Variants in ADK observed in about 807,000 individuals in gnomAD.
The protein encoded by ADK is adenosine kinase.
ADK carries 24 observed loss-of-function variants against 44.7 expected under a neutral mutation model. The observed-to-expected ratio is 0.54, with a 90% confidence interval of 0.39 to 0.76. The LOEUF is 0.76. Ranked by LOEUF, ADK falls within the 30% of genes least tolerant of loss-of-function variation. The pLI is 0.00. For synonymous variants in ADK, 128 were observed against 142.6 expected (o/e 0.90, Z 0.73); for missense variants, 321 against 425.1 (o/e 0.76, Z 2.15).
chr10:74,236,028 A>G (rs1364268184), intron 3 of ADK, among the ~76,000 whole-genome samples: 1 of 152,168 alleles, frequency 6.6e-6, no homozygotes, highest in East Asian at 1.9e-4. Context: ...AAACATATTA[A>G]TGTTTCTTTC....
chr10:74,552,359 T>G (rs1850065593), intron 7 of ADK, among the ~76,000 whole-genome samples: 1 of 152,238 alleles, frequency 6.6e-6, no homozygotes, highest in Non-Finnish European at 1.5e-5. Flanking sequence ...TAGTTCTTTA[T>G]TTTTAAATGA....
chr10:74,182,121 G>A (rs1282746583), intron 1 of ADK, among the ~76,000 whole-genome samples: 1 of 152,108 alleles, frequency 6.6e-6, no homozygotes, highest in African/African-American at 2.4e-5. Context: ...ACATTCATAT[G>A]GAGACTAAAA....
Position 74,673,450 on chromosome 10 carries a change from G to A in ADK, c.964+3181G>A, listed in dbSNP as rs186536167. ...CAGCAGGAGCGAACTTCACTCACTC[G>A]CTTCTCCACTGCTCACAGGAGGGTG... On this transcript the variant is annotated intron_variant, in intron 10 of 10. Transcript: ENST00000539909. Among the ~76,000 whole-genome samples, 551 of 152,308 alleles carry A rather than the reference G, an allele frequency of 3.6e-3. 6 individuals are homozygous for A. Among genetic ancestry groups the A allele is most frequent in the African/African-American group, 0.012 (509 of 41,566 alleles).
chr10:74,546,387 A>AT (rs1849819558), intron 7 of ADK, among the ~76,000 whole-genome samples: 2 of 152,150 alleles, frequency 1.3e-5, no homozygotes, highest in African/African-American at 4.8e-5. Context: ...TTCTAGAAAT[A>AT]TTCTCATCTC....
intron 10 of ADK, among the ~76,000 whole-genome samples, chr10:74,673,357 T>C (rs1388743084): frequency 6.6e-6 from 1 of 152,230 alleles, no homozygotes; most frequent in African/African-American, 2.4e-5. Flanking sequence ...AGCAGGATAT[T>C]TCCCTAAGCC....
intron 9 of ADK, chr10:74,641,522 C>G (rs1409193296): frequency 6.6e-6 from 1 of 152,148 alleles, no homozygotes; most frequent in African/African-American, 2.4e-5. Context: ...ACTTTGGAGA[C>G]CTTTGTTAGT....
intron 9 of ADK, among the ~76,000 whole-genome samples, chr10:74,665,736 T>TGAGA (rs59620474): frequency 0.029 from 3,423 of 116,152 alleles, 60 homozygotes; most frequent in Middle Eastern, 0.054. Context: ...CCTTAGCTCT[T>TGAGA]GAGAGAGAGA....
intron 3 of ADK, among the ~76,000 whole-genome samples, chr10:74,233,541 T>G (rs191334721): frequency 6.6e-6 from 1 of 152,292 alleles, no homozygotes; most frequent in Admixed American, 6.5e-5. Flanking sequence ...TCCCCTAAAT[T>G]TTTTGCAAAT....
chr10:74,636,662 A>G (rs1564830243), intron 9 of ADK, among the ~76,000 whole-genome samples: 1 of 152,228 alleles, frequency 6.6e-6, no homozygotes, highest in Admixed American at 6.5e-5. Context: ...ATGTAGAAGT[A>G]TGAAAAAATA....
At chr10:74,693,601 T>C (rs1262449127) in intron 10 of ADK, among the ~76,000 whole-genome samples, 2 of 151,634 alleles carry the variant, frequency 1.3e-5, no homozygotes, top group African/African-American at 4.8e-5. Flanking sequence ...GAGGGAAGTA[T>C]TAGTCCTTGA....
At position 74,369,298 on chromosome 10, in the gene ADK, A is replaced by G. The variant is rs191074039; in HGVS notation, c.274-24843A>G. 3.5e-3 allele frequency among the ~76,000 whole-genome samples: 529 copies of G among 152,298 alleles called. 3 individuals carry two copies. Among genetic ancestry groups the G allele is most frequent in the Non-Finnish European group, 5.3e-3 (358 of 68,020 alleles). On this transcript the variant is annotated intron_variant, in intron 4 of 10. Transcript: ENST00000539909. ...TTGAGACCGGGAGGTAGAGGCTGCA[A>G]TGAGCCATGATTGTGCCGCTGTGCT...
At chr10:74,350,281 T>C (rs11001007) in intron 4 of ADK, among the ~76,000 whole-genome samples, 98,000 of 151,980 alleles carry the variant, frequency 0.64, 32,907 homozygotes, top group Middle Eastern at 0.79. Context: ...ACCACCCAAC[T>C]ACATGGAAAT....
At chr10:74,230,913 C>T (rs1000293368) in intron 3 of ADK, among the ~76,000 whole-genome samples, 1 of 152,104 alleles carries the variant, frequency 6.6e-6, no homozygotes, top group Non-Finnish European at 1.5e-5. Flanking sequence ...AACTCCTGAC[C>T]TCAGGTGATC....
At chr10:74,350,139 A>T (rs1327482607) in intron 4 of ADK, among the ~76,000 whole-genome samples, 2 of 152,224 alleles carry the variant, frequency 1.3e-5, no homozygotes, top group Non-Finnish European at 2.9e-5. Context: ...CATGGCACTT[A>T]TTCTCAAATC....
chr10:74,339,697 A>G (rs1051074661), intron 4 of ADK, among the ~76,000 whole-genome samples: 1 of 152,216 alleles, frequency 6.6e-6, no homozygotes, highest in Non-Finnish European at 1.5e-5. Context: ...CTTTAGAATA[A>G]ATCCTAAATC....
chr10:74,512,298 G>T (rs1415589117), intron 6 of ADK, among the ~76,000 whole-genome samples: 1 of 150,690 alleles, frequency 6.6e-6, no homozygotes, highest in Non-Finnish European at 1.5e-5. Flanking sequence ...TCACGGTTAT[G>T]TTGGCTTCAT....
At chr10:74,225,142 A>G (rs1487744898) in intron 3 of ADK, among the ~76,000 whole-genome samples, 8 of 152,208 alleles carry the variant, frequency 5.3e-5, no homozygotes, top group African/African-American at 9.6e-5. Flanking sequence ...TGGAGGCGCA[A>G]TCTCGGCTCA....
chr10:74,462,792 A>T lies in ADK; in HGVS notation c.556-62464A>T, dbSNP rs966333787. ...AAATAAACAGTTACCCTCTGGAATG[A>T]TAAGAACTTGGGCTTTTTATGAAAA... On this transcript the variant is annotated intron_variant, in intron 6 of 10. Coordinates refer to ENST00000539909, the MANE Select transcript of ADK (RefSeq NM_006721.4). Among the ~76,000 whole-genome samples, 4 of 152,206 alleles carry T rather than the reference A, an allele frequency of 2.6e-5. 1 individual carries two copies. In the South Asian group the frequency reaches 8.3e-4, roughly 32 times the overall value.
rs1282565148 is a variant in ADK at position 74,303,585 on chromosome 10, G to GTTTTTTTTTTTTTTTTTTTTT, written c.195-11080_195-11079insTTTTTTTTTTTTTTTTTTTTT. On this transcript the variant is annotated intron_variant, in intron 3 of 10. Coordinates refer to ENST00000539909, the MANE Select transcript of ADK (RefSeq NM_006721.4). ...AAACACTTTTCATATTGGTTTTAAT[G>GTTTTTTTTTTTTTTTTTTTTT]TTGTTTTTTTTTTTTTTTTTTTTTT... Among the ~76,000 whole-genome samples, 142 of 64,642 alleles carry GTTTTTTTTTTTTTTTTTTTTT rather than the reference G, an allele frequency of 2.2e-3. 36 individuals are homozygous for GTTTTTTTTTTTTTTTTTTTTT. Among genetic ancestry groups the GTTTTTTTTTTTTTTTTTTTTT allele is most frequent in the Non-Finnish European group, 2.5e-3 (104 of 40,790 alleles). The allele number at this position is 64,642 out of a possible 152,430, so 42.4% of individuals were successfully genotyped here. A position where few individuals can be genotyped will look rare whatever the true frequency, so the allele number is the denominator to read the frequency against.
Sources: gnomAD v4.1 joint callset for allele counts (sites outside exome capture counted in the v4.1 genomes callset) on GRCh38, gnomAD v4.1.1 for gene constraint, MANE v1.5 for transcripts, NCBI Gene and HGNC (gene_info 2026-07-23, HGNC 2026-07-21) for gene names.